Variants in ZRANB3 observed in about 807,000 individuals in gnomAD.
The protein encoded by ZRANB3 is DNA annealing helicase and endonuclease ZRANB3.
A neutral mutation model predicts 133.8 loss-of-function variants in ZRANB3; 125 were observed. That is an observed-to-expected ratio of 0.93 (90% CI 0.81 to 1.08). The LOEUF (loss-of-function observed/expected upper bound fraction) is 1.08, where lower values mean the gene tolerates loss of function less well. Among genes scored for constraint, ZRANB3 ranks in the 50% least tolerant of loss-of-function variants. The pLI is 0.00. For missense variants in ZRANB3, 1,229 were observed against 1,275.5 expected, an observed-to-expected ratio of 0.96 and a Z score of 0.56; for synonymous variants, 387 against 432.7, an observed-to-expected ratio of 0.89 and a Z score of 1.31.
At chr2:135,501,471 C>A (rs767339612) in intron 2 of ZRANB3, among the ~76,000 whole-genome samples, 19 of 152,150 alleles carry the variant, frequency 1.2e-4, no homozygotes, top group Non-Finnish European at 2.4e-4. Context: ...TATTCAATGA[C>A]AACACCATTA....
At chr2:135,508,768 A>T (rs1001260317) in intron 1 of ZRANB3, among the ~76,000 whole-genome samples, 1 of 152,130 alleles carries the variant, frequency 6.6e-6, no homozygotes, top group Non-Finnish European at 1.5e-5. Flanking sequence ...GGTGTAATAA[A>T]GAATATCTCA....
chr2:135,452,541 C>T (rs536639192), intron 2 of ZRANB3, among the ~76,000 whole-genome samples: 128 of 152,290 alleles, frequency 8.4e-4, no homozygotes, highest in Admixed American at 1.9e-3. Flanking sequence ...AAGTTAGTTA[C>T]GTCCTGGATA....
chr2:135,351,188 C>G (rs1685187172), intron 4 of ZRANB3, among the ~76,000 whole-genome samples: 1 of 151,958 alleles, frequency 6.6e-6, no homozygotes, highest in Non-Finnish European at 1.5e-5. Context: ...GGTAGAGCTC[C>G]TAAGCAGCCA....
chr2:135,459,672 C>T (rs1302144005), intron 2 of ZRANB3, among the ~76,000 whole-genome samples: 2 of 152,080 alleles, frequency 1.3e-5, no homozygotes, highest in African/African-American at 4.8e-5. Context: ...TCATCCAGTT[C>T]CAGAGCTTAA....
chr2:135,454,941 G>A (rs1690432162), intron 2 of ZRANB3, among the ~76,000 whole-genome samples: 1 of 152,014 alleles, frequency 6.6e-6, no homozygotes, highest in African/African-American at 2.4e-5. Context: ...GAGAATATTA[G>A]GAGAGCAAAT....
At chr2:135,235,617 G>A (rs1246358295) in intron 12 of ZRANB3, among the ~76,000 whole-genome samples, 1 of 151,546 alleles carries the variant, frequency 6.6e-6, no homozygotes, top group Non-Finnish European at 1.5e-5. Flanking sequence ...TCCCTGGGAA[G>A]CAAGGCTGGT....
At chr2:135,292,223 G>C (rs916006316) in intron 8 of ZRANB3, among the ~76,000 whole-genome samples, 3 of 152,142 alleles carry the variant, frequency 2.0e-5, no homozygotes, top group Non-Finnish European at 4.4e-5. Flanking sequence ...CAGTGTAAAA[G>C]TGTTCCTATT....
chr2:135,263,068 C>T (rs1680041177), intron 12 of ZRANB3, among the ~76,000 whole-genome samples: 1 of 152,016 alleles, frequency 6.6e-6, no homozygotes, highest in South Asian at 2.1e-4. Context: ...AACATTTTTG[C>T]TGAAGTTGCT....
At chr2:135,510,519 T>A (rs1693405130) in intron 1 of ZRANB3, 1 of 620,646 alleles carries the variant, frequency 1.6e-6, no homozygotes, top group Admixed American at 2.7e-5. Context: ...CTAGGGTTTG[T>A]ATGGCCGCGT....
At chr2:135,484,879 C>CA (rs1692019850) in intron 2 of ZRANB3, among the ~76,000 whole-genome samples, 1 of 151,348 alleles carries the variant, frequency 6.6e-6, no homozygotes, top group Middle Eastern at 3.4e-3. Context: ...ACTAAAAATA[C>CA]AAAAAAATTA....
Position 135,265,668 on chromosome 2 carries a change from T to C in ZRANB3, c.1405A>G (p.Thr469Ala). ...ATTTTTTCTTTCCTACCGTTCAGTG[T>C]GCTCCCTGTAACTTGAGCCTACAAG... ...LNRKAQVTGSTLNGRKEKIQA... is the reference protein window; with the variant it reads ...LNRKAQVTGSALNGRKEKIQA... The change falls in exon 12 of 21, where the codon ACA becomes GCA. Residue 469 changes from threonine (T) to alanine (A), a missense_variant. By Grantham distance (58) the Thr-to-Ala change is moderately conservative. Coordinates refer to ENST00000264159, the MANE Select transcript of ZRANB3 (RefSeq NM_032143.4). 1.2e-6 allele frequency: 2 copies of C among 1,613,546 alleles called. No homozygotes were observed. Among genetic ancestry groups the C allele is most frequent in the South Asian group, 2.2e-5 (2 of 90,928 alleles).
chr2:135,375,660 G>A (rs942872332), intron 3 of ZRANB3, among the ~76,000 whole-genome samples: 5 of 151,800 alleles, frequency 3.3e-5, no homozygotes, highest in Admixed American at 3.3e-4. Flanking sequence ...ACTCCAGCCT[G>A]GGCGACAGAG....
intron 2 of ZRANB3, among the ~76,000 whole-genome samples, chr2:135,477,210 A>G (rs1188745837): frequency 1.3e-5 from 2 of 152,236 alleles, no homozygotes; most frequent in Non-Finnish European, 2.9e-5. Flanking sequence ...AGGGAGAAAG[A>G]AGGATGGATA....
chr2:135,511,772 G>T, intron 1 of ZRANB3: 1 of 762,792 alleles, frequency 1.3e-6, no homozygotes, highest in Non-Finnish European at 2.5e-6. Flanking sequence ...ATTTCTTTCT[G>T]TCCATAAACT....
chr2:135,197,423 A>G lies in ZRANB3; in HGVS notation c.*2919T>C, dbSNP rs1693452976. 6.6e-6 allele frequency: 1 copy of G among 152,244 alleles called. No homozygotes were observed. Among genetic ancestry groups the G allele is most frequent in the South Asian group, 2.1e-4 (1 of 4,828 alleles). The allele number at this position is 152,244 out of a possible 1,614,324, so 9.4% of individuals were successfully genotyped here. ...GAAGAAGGGATTTGGTTTATTAGCA[A>G]GATGTATGGGCATAAAATCCTTTTC... On this transcript the variant is annotated 3_prime_UTR_variant, in exon 21 of 21. Transcript: ENST00000264159.
chr2:135,319,741 A>AG (rs2104832334), intron 6 of ZRANB3, among the ~76,000 whole-genome samples: 1 of 152,278 alleles, frequency 6.6e-6, no homozygotes, highest in South Asian at 2.1e-4. Flanking sequence ...AGCCATTCCT[A>AG]TACTAGGTTG....
chr2:135,413,169 A>G (rs1688387556), intron 2 of ZRANB3, among the ~76,000 whole-genome samples: 1 of 152,202 alleles, frequency 6.6e-6, no homozygotes, highest in Admixed American at 6.6e-5. Flanking sequence ...CACTTCGGAT[A>G]TATCCTTCCA....
intron 19 of ZRANB3, among the ~76,000 whole-genome samples, chr2:135,203,612 CAAA>C (rs1051712787): frequency 1.6e-5 from 1 of 62,086 alleles, no homozygotes. Context: ...GACTCGGTCT[CAAA>C]AAAAAAAAAA....
chr2:135,301,483 G>C lies in ZRANB3; in HGVS notation c.966+12006C>G, dbSNP rs567950738. Among the ~76,000 whole-genome samples the C allele has an allele frequency of 3.9e-4, 59 of 152,174 alleles. No homozygotes were observed. The South Asian group carries it at 8.9e-3, about 23-fold the overall frequency. Reference sequence around the variant, plus strand: ...TTACAGGCATGAGCCACCACACCTAGCTATGTTTAATTTTTTGTAGAGGTG... The same window carrying C: ...TTACAGGCATGAGCCACCACACCTACCTATGTTTAATTTTTTGTAGAGGTG... On this transcript the variant is annotated intron_variant, in intron 8 of 20. Coordinates refer to ENST00000264159, the MANE Select transcript of ZRANB3 (RefSeq NM_032143.4).
Sources: allele counts gnomAD v4.1 joint callset (sites outside exome capture counted in the v4.1 genomes callset), GRCh38; gene constraint gnomAD v4.1.1; transcripts MANE v1.5; gene names NCBI Gene and HGNC (gene_info 2026-07-23, HGNC 2026-07-21).